HRK: variants seen among roughly 807,000 people sequenced by gnomAD.
HRK encodes activator of apoptosis harakiri.
A neutral mutation model predicts 5.9 loss-of-function variants in HRK; 6 were observed. The ratio of observed to expected loss-of-function variants is 1.02; its 90% confidence interval spans 0.56 to 2.01. HRK has a LOEUF of 2.01. HRK is among the 30% of genes most tolerant of loss of function. HRK has a pLI of 0.00. For missense variants in HRK, 133 were observed against 128.3 expected, an observed-to-expected ratio of 1.04 and a Z score of -0.18; for synonymous variants, 85 against 65.1, an observed-to-expected ratio of 1.31 and a Z score of -1.47.
At chr12:116,877,647 T>G (rs1044094536) in intron 1 of HRK, among the ~76,000 whole-genome samples, 1 of 152,210 alleles carries the variant, frequency 6.6e-6, no homozygotes, top group East Asian at 1.9e-4. Context: ...ATAATCATGA[T>G]GGCTCACATG....
chr12:116,860,602 C>G lies in HRK; in HGVS notation c.*921G>C, dbSNP rs1565881419. ...TCATAACCAGCAAGCCTCTCAATGC[C>G]ATCCTCCCTCCTAGACCCCAAGGTT... On this transcript the variant is annotated 3_prime_UTR_variant, in exon 2 of 2. Coordinates refer to ENST00000257572, the MANE Select transcript of HRK (RefSeq NM_003806.4). 2 of 151,998 alleles carry G rather than the reference C, an allele frequency of 1.3e-5. No homozygotes were observed. The highest frequency in any genetic ancestry group is 2.9e-5 in the Non-Finnish European group (2 of 68,014). The allele number at this position is 151,998 out of a possible 1,614,324, so 9.4% of individuals were successfully genotyped here. A position where few individuals can be genotyped will look rare whatever the true frequency, so the allele number is the denominator to read the frequency against.
At position 116,872,458 on chromosome 12, in the gene HRK, T is replaced by C. The variant is rs376104588; in HGVS notation, c.*56+8518A>G. On this transcript the variant is annotated intron_variant, in intron 1 of 1. Transcript: ENST00000257572. Reference sequence around the variant, plus strand: ...ATGGAAAAGGTCAGGTTACAGATAATATATTTATAGTGATTCCAAGTCTTA... The same window carrying C: ...ATGGAAAAGGTCAGGTTACAGATAACATATTTATAGTGATTCCAAGTCTTA... Among the ~76,000 whole-genome samples the C allele has an allele frequency of 5.7e-4, 86 of 152,152 alleles. 6 individuals carry two copies. The South Asian group carries it at 0.017, about 31-fold the overall frequency.
At chr12:116,863,546 T>C (rs960933366) in intron 1 of HRK, among the ~76,000 whole-genome samples, 7 of 152,180 alleles carry the variant, frequency 4.6e-5, no homozygotes, top group African/African-American at 1.7e-4. Flanking sequence ...TCTCCTCTGA[T>C]TACTGAGTTT....
In HRK at chr12:116,860,721, A is replaced by G. The variant is rs1878330984; in HGVS notation, c.*802T>C. On this transcript the variant is annotated 3_prime_UTR_variant, in exon 2 of 2. Transcript: ENST00000257572. ...TGCAACTTGTCCCTTAAAAAAAAAA[A>G]AAAAAGAATCTGAAACAGCAAAATA... 6.6e-6 allele frequency: 1 copy of G among 152,114 alleles called. No homozygotes were observed. Among genetic ancestry groups the G allele is most frequent in the African/African-American group, 2.4e-5 (1 of 41,414 alleles). The allele number at this position is 152,114 out of a possible 1,614,324, so 9.4% of individuals were successfully genotyped here.
At chr12:116,866,767 G>A (rs572609934) in intron 1 of HRK, among the ~76,000 whole-genome samples, 2 of 152,228 alleles carry the variant, frequency 1.3e-5, no homozygotes, top group African/African-American at 4.8e-5. Context: ...AGCCCAACTC[G>A]CTTGACTTTC....
intron 1 of HRK, among the ~76,000 whole-genome samples, chr12:116,874,835 G>A (rs952079883): frequency 6.6e-6 from 1 of 152,110 alleles, no homozygotes; most frequent in Admixed American, 6.6e-5. Flanking sequence ...CTGACTCCCA[G>A]TATTAACAGC....
chr12:116,875,558 G>T (rs1366212925), intron 1 of HRK, among the ~76,000 whole-genome samples: 1 of 151,702 alleles, frequency 6.6e-6, no homozygotes, highest in African/African-American at 2.4e-5. Flanking sequence ...TTATTTTTTT[G>T]TAACAGAGTC....
intron 1 of HRK, among the ~76,000 whole-genome samples, chr12:116,874,948 C>T (rs1878877796): frequency 6.6e-6 from 1 of 152,160 alleles, no homozygotes; most frequent in South Asian, 2.1e-4. Flanking sequence ...AATTCCTAAC[C>T]CACAGAATGT....
intron 1 of HRK, among the ~76,000 whole-genome samples, chr12:116,872,810 C>G (rs1878801807): frequency 7.6e-6 from 1 of 131,112 alleles, no homozygotes; most frequent in African/African-American, 3.0e-5. Context: ...GAGACAGAAA[C>G]AGAGAGAGAC....
rs1879148346 is a variant in HRK at position 116,881,293 on chromosome 12, G to A, written c.15C>T (p.Pro5=). 1.9e-6 allele frequency: 2 copies of A among 1,071,258 alleles called. No individual in the cohort carries two copies. The highest frequency in any genetic ancestry group is 5.3e-5 in the Admixed American group (1 of 18,768). 66.4% of individuals were successfully genotyped at this position (1,071,258 alleles called of 1,614,324 possible). A position where few individuals can be genotyped will look rare whatever the true frequency, so the allele number is the denominator to read the frequency against. The change falls in exon 1 of 2, where the codon CCC becomes CCT. Residue 5 remains proline, a synonymous_variant. Transcript: ENST00000257572. Reference sequence around the variant, plus strand: ...CCGGGGGGCCGCGGCCGCGGTGCAGGGGGCACGGGCACATGACCGCTGGCC... The same window carrying A: ...CCGGGGGGCCGCGGCCGCGGTGCAGAGGGCACGGGCACATGACCGCTGGCC... MCPC[P]LHRGRGPPAV... is the part of the protein sequence containing the mutation.
chr12:116,870,240 T>C (rs1424775890), intron 1 of HRK, among the ~76,000 whole-genome samples: 1 of 152,194 alleles, frequency 6.6e-6, no homozygotes, highest in Non-Finnish European at 1.5e-5. Flanking sequence ...TTTACAGGAC[T>C]TATTAAGTAC....
In HRK at chr12:116,881,130, G is replaced by A; in HGVS notation, c.178C>T (p.Pro60Ser). Residue 60 changes from proline (P) to serine (S), a missense_variant, in exon 1 of 2, where the codon CCG becomes TCG. Pro to Ser is a moderately conservative substitution (Grantham distance 74). Coordinates refer to ENST00000257572, the MANE Select transcript of HRK (RefSeq NM_003806.4). Reference sequence around the variant, plus strand: ...TAGGTGGGGAGCGCGCCGGGCGCCGGCGCCCTCCGGCTCCGCGCGCGGCGC... The same window carrying A: ...TAGGTGGGGAGCGCGCCGGGCGCCGACGCCCTCCGGCTCCGCGCGCGGCGC... ...WRRRARSRRA[P>S]APGALPTYWP... The A allele has an allele frequency of 8.3e-7, 1 of 1,210,420 alleles. No individual in the cohort carries two copies. Among genetic ancestry groups the A allele is most frequent in the Non-Finnish European group, 1.0e-6 (1 of 975,188 alleles). The allele number at this position is 1,210,420 out of a possible 1,614,324, so 75.0% of individuals were successfully genotyped here. A position where few individuals can be genotyped will look rare whatever the true frequency, so the allele number is the denominator to read the frequency against.
intron 1 of HRK, among the ~76,000 whole-genome samples, chr12:116,875,841 G>C (rs1282991948): frequency 1.3e-5 from 2 of 152,138 alleles, no homozygotes; most frequent in Admixed American, 6.5e-5. Flanking sequence ...AGCATACCCG[G>C]CTGATGTTGC....
In HRK at chr12:116,881,383, C is replaced by A; in HGVS notation, c.-76G>T. The A allele has an allele frequency of 9.7e-7, 1 of 1,028,114 alleles. No individual in the cohort carries two copies. The highest frequency in any genetic ancestry group is 1.2e-6 in the Non-Finnish European group (1 of 858,946). 63.7% of individuals were successfully genotyped at this position (1,028,114 alleles called of 1,614,324 possible). A position where few individuals can be genotyped will look rare whatever the true frequency, so the allele number is the denominator to read the frequency against. ...TCCCTCCGGCCTCTGCGCCCGCTGCCGCCGCGCTCCAGCCGCCGGGGGCCT... is the reference window on the plus strand; with the variant it reads ...TCCCTCCGGCCTCTGCGCCCGCTGCAGCCGCGCTCCAGCCGCCGGGGGCCT... On this transcript the variant is annotated 5_prime_UTR_variant, in exon 1 of 2. Transcript: ENST00000257572.
chr12:116,867,670 A>G (rs1283543378), intron 1 of HRK: 3 of 152,208 alleles, frequency 2.0e-5, no homozygotes, highest in Non-Finnish European at 4.4e-5. Flanking sequence ...AAACAATGCA[A>G]ATGTTCCCAA....
chr12:116,868,594 G>A (rs1249320304), intron 1 of HRK, among the ~76,000 whole-genome samples: 2 of 152,238 alleles, frequency 1.3e-5, no homozygotes, highest in Non-Finnish European at 2.9e-5. Context: ...GAAAGTAGAA[G>A]AGGAGGATGA....
rs1879139678 is a variant in HRK, at chr12:116,881,181, C to G, written c.127G>C (p.Glu43Gln). ...CGCCACATGGTGCGCTGGTGCAGCT[C>G]GTCGCCTAGCGCCTTGAGCCGGGCG... is the stretch of plus-strand genomic sequence containing the variant. ...TAARLKALGDELHQRTMWRRR... is the reference protein window; with the variant it reads ...TAARLKALGDQLHQRTMWRRR... Residue 43 changes from glutamate (E) to glutamine (Q), a missense_variant, in exon 1 of 2, where the codon GAG (glutamate) becomes CAG (glutamine). Glu to Gln is a conservative substitution (Grantham distance 29). Transcript: ENST00000257572. The G allele has an allele frequency of 1.7e-6, 2 of 1,159,872 alleles. No individual in the cohort carries two copies. The highest frequency in any genetic ancestry group is 4.1e-5 in the South Asian group (1 of 24,184). 71.8% of individuals were successfully genotyped at this position (1,159,872 alleles called of 1,614,324 possible). A position where few individuals can be genotyped will look rare whatever the true frequency, so the allele number is the denominator to read the frequency against.
intron 1 of HRK, among the ~76,000 whole-genome samples, chr12:116,871,593 C>T (rs12317933): frequency 0.016 from 2,343 of 143,560 alleles, 75 homozygotes; most frequent in African/African-American, 0.058. Flanking sequence ...TGTGAGCCAC[C>T]GTGCCCAGCC....
At chr12:116,870,136 A>G (rs1878696213) in intron 1 of HRK, among the ~76,000 whole-genome samples, 1 of 152,116 alleles carries the variant, frequency 6.6e-6, no homozygotes, top group South Asian at 2.1e-4. Context: ...AATCCATTCC[A>G]GTAACTCAGA....
Sources: allele counts gnomAD v4.1 joint callset (sites outside exome capture counted in the v4.1 genomes callset), GRCh38; gene constraint gnomAD v4.1.1; transcripts MANE v1.5; gene names NCBI Gene and HGNC (gene_info 2026-07-23, HGNC 2026-07-21).